The following GSE1 variants were observed in gnomAD, a reference collection of about 807,000 sequenced individuals.
GSE1 encodes Gse1 coiled-coil protein.
In GSE1, 32 loss-of-function variants were observed where a neutral mutation model predicts 112.6. That is an observed-to-expected ratio of 0.28 (90% CI 0.21 to 0.38). GSE1 has a LOEUF of 0.38. GSE1 is among the 10% of genes least tolerant of loss of function. GSE1 has a pLI of 1.00. For synonymous variants in GSE1, 1,115 were observed against 735.6 expected, an observed-to-expected ratio of 1.52 and a Z score of -8.35; for missense variants, 2,348 against 1,699.2, an observed-to-expected ratio of 1.38 and a Z score of -6.71.
intron 1 of GSE1, among the ~76,000 whole-genome samples, chr16:85,586,908 C>T (rs950591186): frequency 6.6e-5 from 10 of 152,238 alleles, no homozygotes; most frequent in African/African-American, 1.9e-4. Context: ...GCATGCAGCG[C>T]GAGAGGAGTA....
intron 11 of GSE1, 126 bp downstream of exon 11, chr16:85,663,740 C>T (rs975253979): frequency 5.7e-5 from 52 of 906,936 alleles, no homozygotes; most frequent in Non-Finnish European, 7.8e-5. Flanking sequence ...TGCCCCTTTA[C>T]TCCTCCCGGC....
At chr16:85,195,186 G>A (rs928932127) in intron 1 of GSE1, among the ~76,000 whole-genome samples, 1 of 152,178 alleles carries the variant, frequency 6.6e-6, no homozygotes, top group Non-Finnish European at 1.5e-5. Context: ...TTTAATGTAA[G>A]ATTTAAAAAA....
chr16:85,279,428 A>C (rs567498773), intron 1 of GSE1, among the ~76,000 whole-genome samples: 2 of 152,248 alleles, frequency 1.3e-5, no homozygotes, highest in East Asian at 3.9e-4. Flanking sequence ...GCATTATAGC[A>C]AGACCCTGTC....
intron 2 of GSE1, among the ~76,000 whole-genome samples, chr16:85,504,684 G>T (rs778749654): frequency 1.3e-5 from 2 of 152,206 alleles, no homozygotes; most frequent in Non-Finnish European, 2.9e-5. Context: ...AGCCAATTTA[G>T]ATAAATATTA....
intron 2 of GSE1, among the ~76,000 whole-genome samples, chr16:85,483,592 C>T (rs1267881977): frequency 6.6e-6 from 1 of 152,278 alleles, no homozygotes; most frequent in Admixed American, 6.5e-5. Context: ...CCACTGTCTC[C>T]GCCCTCTTGG....
At chr16:85,553,058 T>C (rs1290615844), upstream of GSE1, among the ~76,000 whole-genome samples, 2 of 152,050 alleles carry the variant, frequency 1.3e-5, no homozygotes, top group African/African-American at 4.8e-5. Flanking sequence ...TCTTTTTTTT[T>C]TCCCCCAAGT....
intron 2 of GSE1, among the ~76,000 whole-genome samples, chr16:85,514,315 C>G (rs910867714): frequency 6.7e-6 from 1 of 150,232 alleles, no homozygotes. Context: ...CCCAGGCCTT[C>G]CCTGGAAACA....
intron 1 of GSE1, among the ~76,000 whole-genome samples, chr16:85,216,480 A>G (rs149258763): frequency 6.6e-6 from 1 of 152,352 alleles, no homozygotes; most frequent in African/African-American, 2.4e-5. Context: ...TCTGATTATA[A>G]TAATTCATAG....
intron 1 of GSE1, among the ~76,000 whole-genome samples, chr16:85,302,451 C>T (rs1296944197): frequency 1.3e-5 from 2 of 151,786 alleles, no homozygotes. Context: ...GCACACCGCC[C>T]CCCCCCGCCC....
chr16:85,627,179 G>T (rs1269944342), intron 1 of GSE1, among the ~76,000 whole-genome samples: 1 of 127,256 alleles, frequency 7.9e-6, no homozygotes, highest in Non-Finnish European at 1.6e-5. Flanking sequence ...GGGGGGTGGG[G>T]GCCTCACCCG....
At chr16:85,264,593 A>G (rs1908041983) in intron 1 of GSE1, among the ~76,000 whole-genome samples, 1 of 152,168 alleles carries the variant, frequency 6.6e-6, no homozygotes, top group South Asian at 2.1e-4. Context: ...GGAAGGGGCC[A>G]GGGCCGGGGG....
intron 1 of GSE1, among the ~76,000 whole-genome samples, chr16:85,179,483 A>G (rs2074537555): frequency 6.6e-6 from 1 of 152,100 alleles, no homozygotes; most frequent in Admixed American, 6.6e-5. Flanking sequence ...GTGTTCACAG[A>G]TGTCTTCATT....
At chr16:85,350,547 C>T (rs1418928225) in intron 1 of GSE1, among the ~76,000 whole-genome samples, 2 of 152,244 alleles carry the variant, frequency 1.3e-5, no homozygotes, top group East Asian at 1.9e-4. Context: ...GGACAGGCCC[C>T]GCCCCCACCA....
intron 1 of GSE1, among the ~76,000 whole-genome samples, chr16:85,218,551 T>G (rs2075341081): frequency 6.6e-6 from 1 of 152,216 alleles, no homozygotes; most frequent in African/African-American, 2.4e-5. Flanking sequence ...GAACCTGGGT[T>G]TGAGCTCAAC....
chr16:85,231,136 G>A lies in GSE1; in HGVS notation c.2283+59329G>A, dbSNP rs1904281173. 4.1e-5 allele frequency among the ~76,000 whole-genome samples: 6 copies of A among 146,278 alleles called. 1 individual carries two copies. The South Asian group carries it at 1.1e-3, about 27-fold the overall frequency. ...TGGATGAAAGGATGGATGGAAGGAT[G>A]GATGGATGGATGGAAGGATGGATAG... On this transcript the variant is annotated intron_variant, in intron 1 of 2. Coordinates refer to the GSE1 transcript ENST00000637419.
At position 85,633,482 on chromosome 16, in the gene GSE1, G is replaced by A. The variant is rs191043513; in HGVS notation, c.8-432G>A. ...CACAGCAGTTGTCTTGGTTCCCGTCGTCCCTGGGCCTCTCCACCAGCGTGT... is the reference window on the plus strand; with the variant it reads ...CACAGCAGTTGTCTTGGTTCCCGTCATCCCTGGGCCTCTCCACCAGCGTGT... On this transcript the variant is annotated intron_variant, in intron 1 of 15. Transcript: ENST00000253458. Among the ~76,000 whole-genome samples the A allele has an allele frequency of 2.7e-3, 418 of 152,352 alleles. 3 individuals carry two copies. Among genetic ancestry groups the A allele is most frequent in the African/African-American group, 9.6e-3 (400 of 41,584 alleles).
At chr16:85,269,672 C>T (rs1252790938) in intron 1 of GSE1, among the ~76,000 whole-genome samples, 1 of 149,208 alleles carries the variant, frequency 6.7e-6, no homozygotes, top group Non-Finnish European at 1.5e-5. Flanking sequence ...GCCTTCAGTG[C>T]CCACCTTGAA....
intron 12 of GSE1, 29 bp from the exon 13 acceptor site, chr16:85,665,947 A>G: frequency 6.2e-7 from 1 of 1,608,766 alleles, no homozygotes; most frequent in African/African-American, 1.3e-5. Flanking sequence ...TGCATTTCTT[A>G]ATATTTTCCT....
chr16:85,555,550 C>T (rs2045160629), upstream of GSE1: 10 of 972,700 alleles, frequency 1.0e-5, no homozygotes, highest in African/African-American at 1.8e-5. Context: ...TTAATTTTCT[C>T]CTCTCCCCTC....
Sources: gnomAD v4.1 joint callset for allele counts (sites outside exome capture counted in the v4.1 genomes callset) on GRCh38, gnomAD v4.1.1 for gene constraint, MANE v1.5 for transcripts, NCBI Gene and HGNC (gene_info 2026-07-23, HGNC 2026-07-21) for gene names.